PTPRD: variants seen among roughly 807,000 people sequenced by gnomAD.
PTPRD encodes protein tyrosine phosphatase receptor type D, also known as receptor-type tyrosine-protein phosphatase delta.
A neutral mutation model predicts 214.5 loss-of-function variants in PTPRD; 34 were observed. The ratio of observed to expected loss-of-function variants is 0.16; its 90% CI spans 0.12 to 0.21. The LOEUF (loss-of-function observed/expected upper bound fraction) is 0.21, where lower values mean the gene tolerates loss of function less well. Ranked by LOEUF, PTPRD falls within the 10% of genes least tolerant of loss-of-function variation. The pLI is 1.00. For missense variants in PTPRD, 2,545 were observed against 2,398.7 expected (o/e 1.06, Z -1.27); for synonymous variants, 1,128 against 845.7 (o/e 1.33, Z -5.79).
intron 11 of PTPRD, among the ~76,000 whole-genome samples, chr9:8,859,730 C>G (rs79162786): frequency 0.03 from 4,544 of 151,620 alleles, 165 homozygotes; most frequent in East Asian, 0.091. Context: ...TCCTCTGCCC[C>G]CTATGTACTC....
At chr9:8,712,380 A>G (rs1458023912) in intron 12 of PTPRD, among the ~76,000 whole-genome samples, 1 of 152,160 alleles carries the variant, frequency 6.6e-6, no homozygotes, top group Non-Finnish European at 1.5e-5. Flanking sequence ...GAACAACACT[A>G]AACAATCTTA....
intron 2 of PTPRD, among the ~76,000 whole-genome samples, chr9:10,592,384 A>G (rs562136605): frequency 6.6e-6 from 1 of 152,162 alleles, no homozygotes; most frequent in South Asian, 2.1e-4. Flanking sequence ...GTTTAAAATG[A>G]CAGCTTGGTT....
At chr9:10,011,009 A>G (rs540009517) in intron 4 of PTPRD, among the ~76,000 whole-genome samples, 1 of 152,154 alleles carries the variant, frequency 6.6e-6, no homozygotes, top group African/African-American at 2.4e-5. Context: ...GGACATGGAT[A>G]TACTGCAAAT....
intron 3 of PTPRD, among the ~76,000 whole-genome samples, chr9:10,175,678 T>G (rs1437438852): frequency 6.6e-6 from 1 of 152,032 alleles, no homozygotes; most frequent in Non-Finnish European, 1.5e-5. Context: ...GTTGAAATAT[T>G]CTTTCCATTT....
At chr9:10,610,108 C>A (rs2080563426) in intron 2 of PTPRD, among the ~76,000 whole-genome samples, 4 of 152,140 alleles carry the variant, frequency 2.6e-5, no homozygotes, top group African/African-American at 9.7e-5. Flanking sequence ...TAGCAACTTT[C>A]TTCTCAACTT....
intron 8 of PTPRD, among the ~76,000 whole-genome samples, chr9:9,431,408 G>A (rs2083066807): frequency 6.6e-6 from 1 of 152,046 alleles, no homozygotes; most frequent in African/African-American, 2.4e-5. Context: ...GAAACAACAG[G>A]TGCTGGAGAG....
At position 9,089,274 on chromosome 9, in the gene PTPRD, A is replaced by T. The variant is rs146261835; in HGVS notation, c.-142-70539T>A. Among the ~76,000 whole-genome samples, 270 of 152,340 alleles carry T rather than the reference A, an allele frequency of 1.8e-3. 2 individuals are homozygous for T. The East Asian group carries it at 0.018, about 10-fold the overall frequency. On this transcript the variant is annotated intron_variant, in intron 10 of 45. Coordinates refer to ENST00000381196, the MANE Select transcript of PTPRD (RefSeq NM_002839.4). ...GCCTTATGAGCCATAGTCACAAATAATAGGTAAAGAAATAAGTGTGTCCTA... is the reference window on the plus strand; with the variant it reads ...GCCTTATGAGCCATAGTCACAAATATTAGGTAAAGAAATAAGTGTGTCCTA...
chr9:9,328,669 G>T, intron 9 of PTPRD, among the ~76,000 whole-genome samples: 1 of 87,736 alleles, frequency 1.1e-5, no homozygotes, highest in Non-Finnish European at 2.2e-5. Flanking sequence ...ATAGAGTCTT[G>T]CTCTGTCGCC....
intron 39 of PTPRD, 82 bp from the exon 40 acceptor site, chr9:8,342,060 T>C (rs1284792209): frequency 1.5e-6 from 2 of 1,348,606 alleles, no homozygotes; most frequent in Non-Finnish European, 9.8e-7. Flanking sequence ...ATTATTCTTA[T>C]TAACTAGACC....
At chr9:9,321,173 T>G (rs1194586481) in intron 9 of PTPRD, among the ~76,000 whole-genome samples, 4 of 152,200 alleles carry the variant, frequency 2.6e-5, no homozygotes, top group Non-Finnish European at 5.9e-5. Flanking sequence ...GTATTTTGAT[T>G]TTTCTCATGA....
chr9:10,085,574 C>A (rs1455863645), intron 3 of PTPRD, among the ~76,000 whole-genome samples: 1 of 151,246 alleles, frequency 6.6e-6, no homozygotes, highest in Non-Finnish European at 1.5e-5. Flanking sequence ...AGATGCTGGT[C>A]ATAAGCTAAA....
chr9:9,951,405 T>C (rs1199336135), intron 4 of PTPRD, among the ~76,000 whole-genome samples: 1 of 152,234 alleles, frequency 6.6e-6, no homozygotes, highest in Non-Finnish European at 1.5e-5. Context: ...AGCCTTAATA[T>C]ATTTATGACA....
intron 3 of PTPRD, among the ~76,000 whole-genome samples, chr9:10,115,538 T>A (rs1232891037): frequency 6.6e-6 from 1 of 152,128 alleles, no homozygotes; most frequent in Non-Finnish European, 1.5e-5. Flanking sequence ...CAACTTGCCA[T>A]GTTTTAATGT....
intron 44 of PTPRD, among the ~76,000 whole-genome samples, chr9:8,323,383 C>A (rs1051333643): frequency 6.6e-6 from 1 of 152,126 alleles, no homozygotes; most frequent in Admixed American, 6.5e-5. Context: ...GCTATACATT[C>A]TATAGATAGA....
At chr9:10,202,697 T>TATATATATAG (rs2099433065) in intron 3 of PTPRD, among the ~76,000 whole-genome samples, 1 of 146,248 alleles carries the variant, frequency 6.8e-6, no homozygotes, top group East Asian at 2.0e-4. Flanking sequence ...TATATATATA[T>TATATATATAG]ATGCACCAGT....
At chr9:8,870,592 T>G (rs181461391) in intron 11 of PTPRD, among the ~76,000 whole-genome samples, 2 of 151,972 alleles carry the variant, frequency 1.3e-5, no homozygotes, top group Admixed American at 1.3e-4. Context: ...TTACAGTTGC[T>G]GGGAAATTTG....
chr9:8,665,753 G>GTCACAGTCACACT (rs1466727947), intron 12 of PTPRD, among the ~76,000 whole-genome samples: 12 of 152,274 alleles, frequency 7.9e-5, no homozygotes, highest in Non-Finnish European at 1.8e-4. Flanking sequence ...AAAAGTCACA[G>GTCACAGTCACACT]TCCCTTTGCA....
At chr9:10,475,649 T>C (rs2099057890) in intron 2 of PTPRD, among the ~76,000 whole-genome samples, 1 of 152,060 alleles carries the variant, frequency 6.6e-6, no homozygotes, top group Non-Finnish European at 1.5e-5. Context: ...ATCATCCTGA[T>C]TCCAAAACCT....
At chr9:9,223,707 C>A (rs1290440196) in intron 9 of PTPRD, among the ~76,000 whole-genome samples, 1 of 151,660 alleles carries the variant, frequency 6.6e-6, no homozygotes, top group Non-Finnish European at 1.5e-5. Context: ...AGGATAAAAC[C>A]AACACATTAT....
Sources: gnomAD v4.1 joint callset for allele counts (sites outside exome capture counted in the v4.1 genomes callset) on GRCh38, gnomAD v4.1.1 for gene constraint, MANE v1.5 for transcripts, NCBI Gene and HGNC (gene_info 2026-07-23, HGNC 2026-07-21) for gene names.